NUBPL: variants seen among roughly 807,000 people sequenced by gnomAD.
NUBPL encodes the protein iron-sulfur cluster transfer protein NUBPL.
NUBPL carries 31 observed loss-of-function variants against 45.7 expected under a neutral mutation model. The ratio of observed to expected loss-of-function variants is 0.68; its 90% CI spans 0.51 to 0.92. NUBPL has a LOEUF of 0.92. NUBPL is among the 40% of genes least tolerant of loss of function. The probability of loss-of-function intolerance (pLI) is 0.00; values close to 1 mark genes in which losing one functional copy is unlikely to be tolerated. For missense variants in NUBPL, 401 were observed against 398.7 expected, an observed-to-expected ratio of 1.01 and a Z score of -0.05; for synonymous variants, 144 against 140.9, an observed-to-expected ratio of 1.02 and a Z score of -0.15.
At chr14:31,841,772 A>G (rs1322968648) in intron 8 of NUBPL, among the ~76,000 whole-genome samples, 1 of 152,008 alleles carries the variant, frequency 6.6e-6, no homozygotes, top group East Asian at 1.9e-4. Flanking sequence ...ATTTAGCTCT[A>G]AAATTCACCT....
At position 31,800,129 on chromosome 14, in the gene NUBPL, T is replaced by C. The variant is rs144891558; in HGVS notation, c.607+12256T>C. On this transcript the variant is annotated intron_variant, in intron 7 of 10. Coordinates refer to ENST00000281081, the MANE Select transcript of NUBPL (RefSeq NM_025152.3). ...GGTTTGATAATGAGATTTCAGCAATTCAATCACATCTTCAGATCCCACTTC... is the reference window on the plus strand; with the variant it reads ...GGTTTGATAATGAGATTTCAGCAATCCAATCACATCTTCAGATCCCACTTC... Among the ~76,000 whole-genome samples, 423 of 152,286 alleles carry C rather than the reference T, an allele frequency of 2.8e-3. 4 individuals are homozygous for C. The highest frequency in any genetic ancestry group is 9.5e-3 in the African/African-American group (394 of 41,566).
intron 6 of NUBPL, among the ~76,000 whole-genome samples, chr14:31,696,277 C>T (rs1215429965): frequency 2.0e-5 from 3 of 152,196 alleles, no homozygotes; most frequent in Non-Finnish European, 4.4e-5. Flanking sequence ...GTTCTGTCAT[C>T]TTTGGAAGAG....
chr14:31,759,073 A>AC (rs2038739501), intron 6 of NUBPL, among the ~76,000 whole-genome samples: 1 of 152,136 alleles, frequency 6.6e-6, no homozygotes. Flanking sequence ...CGACTTTAAA[A>AC]AAAACAAAAA....
chr14:31,661,084 C>G (rs1762303577), intron 4 of NUBPL, among the ~76,000 whole-genome samples: 1 of 152,096 alleles, frequency 6.6e-6, no homozygotes, highest in Non-Finnish European at 1.5e-5. Context: ...TGTTTGAAAC[C>G]AACTGGTTAC....
chr14:31,700,237 T>C (rs998423846), intron 6 of NUBPL, among the ~76,000 whole-genome samples: 3 of 152,234 alleles, frequency 2.0e-5, no homozygotes, highest in Non-Finnish European at 4.4e-5. Context: ...ACAGTAAATG[T>C]CTGTATTATC....
intron 8 of NUBPL, among the ~76,000 whole-genome samples, chr14:31,840,192 T>C (rs898555746): frequency 2.6e-5 from 4 of 152,086 alleles, no homozygotes. Context: ...AGCCAAGATA[T>C]GGAATCAACC....
At chr14:31,824,022 T>C (rs1287419650) in intron 7 of NUBPL, among the ~76,000 whole-genome samples, 1 of 152,136 alleles carries the variant, frequency 6.6e-6, no homozygotes, top group African/African-American at 2.4e-5. Flanking sequence ...ATGAGCTGCC[T>C]GATAGCCTTT....
rs1195057105 is a variant in NUBPL at position 31,602,399 on chromosome 14, A to G, written c.382+3020A>G. ...AAACTTAAAGTATAATAATAGAAAA[A>G]AAAAAGAAAAAAAAAGCAGACATGG... On this transcript the variant is annotated intron_variant, in intron 4 of 10. Transcript: ENST00000281081. Among the ~76,000 whole-genome samples the G allele has an allele frequency of 2.9e-5, 3 of 102,580 alleles. No individual in the cohort carries two copies. In the South Asian group the frequency reaches 8.3e-4, roughly 28 times the overall value. 67.3% of individuals were successfully genotyped at this position (102,580 alleles called of 152,430 possible).
chr14:31,853,870 CATGCTGGT>C (rs1392344770), intron 10 of NUBPL, among the ~76,000 whole-genome samples: 2 of 152,146 alleles, frequency 1.3e-5, no homozygotes, highest in African/African-American at 4.8e-5. Context: ...AGCATCCCCG[CATGCTGGT>C]ATGATTAATA....
Position 31,644,871 on chromosome 14 carries a change from G to C in NUBPL, c.383-28484G>C, listed in dbSNP as rs75465746. Among the ~76,000 whole-genome samples the C allele has an allele frequency of 9.1e-3, 1,378 of 152,048 alleles. 12 individuals carry two copies. Among genetic ancestry groups the C allele is most frequent in the Admixed American group, 0.016 (241 of 15,260 alleles). ...TATATATAGTTATTATATCTTCTTG[G>C]TAATTGACCCCTTTATTATTATTGA... On this transcript the variant is annotated intron_variant, in intron 4 of 10. Transcript: ENST00000281081.
intron 6 of NUBPL, among the ~76,000 whole-genome samples, chr14:31,747,264 T>A (rs2038421566): frequency 6.6e-6 from 1 of 151,302 alleles, no homozygotes; most frequent in African/African-American, 2.4e-5. Flanking sequence ...GCCTCCTGAG[T>A]AGCTGTGACT....
rs147004905 is a variant in NUBPL at position 31,707,586 on chromosome 14, A to T, written c.513+34012A>T. Among the ~76,000 whole-genome samples the T allele has an allele frequency of 2.3e-3, 354 of 152,272 alleles. 1 individual carries two copies. Among genetic ancestry groups the T allele is most frequent in the African/African-American group, 8.1e-3 (337 of 41,560 alleles). ...GATCCATAGTCAGCAAACGCTGATG[A>T]TTCCAGGGAACCCTTGCAACTGTTT... On this transcript the variant is annotated intron_variant, in intron 6 of 10. Coordinates refer to ENST00000281081, the MANE Select transcript of NUBPL (RefSeq NM_025152.3).
chr14:31,718,887 G>A (rs966992496), intron 6 of NUBPL, among the ~76,000 whole-genome samples: 1 of 152,132 alleles, frequency 6.6e-6, no homozygotes. Flanking sequence ...AGTATGAACA[G>A]AATAAATCTC....
intron 6 of NUBPL, among the ~76,000 whole-genome samples, chr14:31,731,343 C>G (rs2038044226): frequency 6.6e-6 from 1 of 152,156 alleles, no homozygotes; most frequent in South Asian, 2.1e-4. Flanking sequence ...ATCCAGAGAG[C>G]CAGCTTGAAT....
chr14:31,659,508 A>T (rs1039884356), intron 4 of NUBPL, among the ~76,000 whole-genome samples: 7 of 152,192 alleles, frequency 4.6e-5, no homozygotes, highest in African/African-American at 1.2e-4. Flanking sequence ...TGTGTTTATT[A>T]TCTTTACTTT....
intron 4 of NUBPL, among the ~76,000 whole-genome samples, chr14:31,640,236 C>T (rs1043717052): frequency 1.9e-4 from 29 of 152,220 alleles, no homozygotes; most frequent in African/African-American, 4.8e-4. Flanking sequence ...GGCTGCCCTC[C>T]GACAAAATCA....
intron 6 of NUBPL, among the ~76,000 whole-genome samples, chr14:31,727,968 T>G (rs1443143884): frequency 6.6e-6 from 1 of 152,198 alleles, no homozygotes; most frequent in African/African-American, 2.4e-5. Flanking sequence ...ATAATAGTCT[T>G]ACTGGGCATT....
chr14:31,687,672 T>C (rs2036985991), intron 6 of NUBPL, among the ~76,000 whole-genome samples: 1 of 152,248 alleles, frequency 6.6e-6, no homozygotes. Flanking sequence ...CAATCAATTA[T>C]TACAGTAAAA....
chr14:31,819,391 G>A (rs906222332), intron 7 of NUBPL, among the ~76,000 whole-genome samples: 1 of 152,102 alleles, frequency 6.6e-6, no homozygotes, highest in East Asian at 1.9e-4. Flanking sequence ...TAATTGTAAG[G>A]TATGGAATTA....
Sources: allele counts gnomAD v4.1 joint callset (sites outside exome capture counted in the v4.1 genomes callset), GRCh38; gene constraint gnomAD v4.1.1; transcripts MANE v1.5; gene names NCBI Gene and HGNC (gene_info 2026-07-23, HGNC 2026-07-21).